RBFOX1: variants seen among roughly 807,000 people sequenced by gnomAD.
RBFOX1 encodes RNA binding protein fox-1 homolog 1.
Under a neutral mutation model 57.7 loss-of-function variants are expected in RBFOX1, and 8 were observed. The ratio of observed to expected loss-of-function variants is 0.14; its 90% CI spans 0.08 to 0.25. The LOEUF (loss-of-function observed/expected upper bound fraction) is 0.25. RBFOX1 is among the 10% of genes least tolerant of loss of function. The pLI is 1.00. For synonymous variants in RBFOX1, 326 were observed against 222.4 expected, an observed-to-expected ratio of 1.47 and a Z score of -4.15; for missense variants, 611 against 548.5, an observed-to-expected ratio of 1.11 and a Z score of -1.14.
intron 2 of RBFOX1, among the ~76,000 whole-genome samples, chr16:6,448,208 GGAATGGAGTGGCGT>G (rs1372430647): frequency 7.6e-6 from 1 of 132,310 alleles, no homozygotes; most frequent in African/African-American, 3.0e-5. Context: ...TGCCCAGGCT[GGAATGGAGTGGCGT>G]GATTTTGGCT....
intron 3 of RBFOX1, chr16:6,983,707 C>G (rs142647839): frequency 1.3e-5 from 2 of 152,480 alleles, no homozygotes; most frequent in African/African-American, 4.8e-5. Context: ...TGTTGCATCT[C>G]TAGGCTTGAA....
chr16:7,162,466 A>C (rs1255830037), intron 4 of RBFOX1, among the ~76,000 whole-genome samples: 4 of 151,690 alleles, frequency 2.6e-5, no homozygotes, highest in African/African-American at 4.8e-5. Context: ...GCAGTAACTC[A>C]CGCCTGTAAC....
At chr16:6,920,093 G>C (rs1008672067) in intron 3 of RBFOX1, among the ~76,000 whole-genome samples, 1 of 152,080 alleles carries the variant, frequency 6.6e-6, no homozygotes, top group African/African-American at 2.4e-5. Flanking sequence ...CTCCATCCAA[G>C]TTGCTGCATA....
At chr16:5,463,444 T>C in intron 1 of RBFOX1, among the ~76,000 whole-genome samples, 1 of 152,112 alleles carries the variant, frequency 6.6e-6, no homozygotes, top group South Asian at 2.1e-4. Flanking sequence ...AAAAATAAAA[T>C]GAAAATAATA....
intron 1 of RBFOX1, among the ~76,000 whole-genome samples, chr16:5,349,969 A>C (rs2065227290): frequency 6.6e-6 from 1 of 152,212 alleles, no homozygotes; most frequent in South Asian, 2.1e-4. Context: ...ATAATTACCC[A>C]GGCTAATTAA....
At chr16:5,806,150 G>T (rs1865818) in intron 3 of RBFOX1, among the ~76,000 whole-genome samples, 1 of 151,972 alleles carries the variant, frequency 6.6e-6, no homozygotes, top group Non-Finnish European at 1.5e-5. Context: ...CTACAATTCA[G>T]TTCTCTCATT....
At chr16:7,349,695 G>A (rs1356809570) in intron 4 of RBFOX1, among the ~76,000 whole-genome samples, 1 of 152,092 alleles carries the variant, frequency 6.6e-6, no homozygotes, top group East Asian at 1.9e-4. Flanking sequence ...TTCCATATGT[G>A]TTCACCGATT....
At chr16:6,769,872 G>A (rs1015363335) in intron 3 of RBFOX1, among the ~76,000 whole-genome samples, 1 of 152,184 alleles carries the variant, frequency 6.6e-6, no homozygotes, top group Non-Finnish European at 1.5e-5. Context: ...GATTTGTTTG[G>A]AGCGATTTGA....
chr16:5,835,232 C>T (rs1304443005), intron 3 of RBFOX1, among the ~76,000 whole-genome samples: 1 of 152,246 alleles, frequency 6.6e-6, no homozygotes, highest in East Asian at 1.9e-4. Flanking sequence ...GAGCACAGAG[C>T]AATGAGCACG....
At position 7,153,594 on chromosome 16, in the gene RBFOX1, C is replaced by T. The variant is rs144107259; in HGVS notation, c.27+101496C>T. Among the ~76,000 whole-genome samples the T allele has an allele frequency of 7.6e-3, 1,147 of 150,374 alleles. 7 individuals carry two copies. The highest frequency in any genetic ancestry group is 0.027 in the African/African-American group (1,087 of 40,810). On this transcript the variant is annotated intron_variant, in intron 4 of 15. Transcript: ENST00000550418. ...ACTGAAAAAACAAAAATTAGCCAGG[C>T]ATGGTGATGGTGGTGGGGGGAGGGG...
intron 2 of RBFOX1, among the ~76,000 whole-genome samples, chr16:6,651,184 G>A (rs2098591480): frequency 6.6e-6 from 1 of 152,118 alleles, no homozygotes; most frequent in Non-Finnish European, 1.5e-5. Context: ...TTGCAGGCGT[G>A]AGCCACCACA....
In RBFOX1 at chr16:5,418,452, C is replaced by T. The variant is rs529216350; in HGVS notation, c.220-48764C>T. ...AAGTGCAAATGTAATGACTGAATTACGCCAGGAAAGACCAAATTATTGGTT... is the reference window on the plus strand; with the variant it reads ...AAGTGCAAATGTAATGACTGAATTATGCCAGGAAAGACCAAATTATTGGTT... On this transcript the variant is annotated intron_variant, in intron 1 of 2. Transcript: ENST00000585867. Among the ~76,000 whole-genome samples the T allele has an allele frequency of 1.6e-4, 25 of 152,006 alleles. No homozygotes were observed. The South Asian group carries it at 1.9e-3, about 11-fold the overall frequency.
chr16:5,922,093 C>G (rs1031188059), intron 4 of RBFOX1, among the ~76,000 whole-genome samples: 2 of 152,044 alleles, frequency 1.3e-5, no homozygotes, highest in East Asian at 3.9e-4. Flanking sequence ...TCCAGGAGGT[C>G]GAGGCTGCAG....
chr16:6,920,915 C>G (rs1351165714), intron 3 of RBFOX1, among the ~76,000 whole-genome samples: 2 of 152,172 alleles, frequency 1.3e-5, no homozygotes, highest in African/African-American at 2.4e-5. Flanking sequence ...AGGACTTGGA[C>G]ATAGGTTTTT....
At position 6,491,233 on chromosome 16, in the gene RBFOX1, G is replaced by A. The variant is rs2095626286; in HGVS notation, c.-63-163370G>A. On this transcript the variant is annotated intron_variant, in intron 2 of 15. Coordinates refer to ENST00000550418, the MANE Select transcript of RBFOX1 (RefSeq NM_018723.4). ...GATATATAGTTAAACTATATATATA[G>A]TTTAATTGATGAAAGAAAGAATGGG... is the stretch of plus-strand genomic sequence containing the variant. 2.6e-5 allele frequency among the ~76,000 whole-genome samples: 4 copies of A among 150,994 alleles called. No individual in the cohort carries two copies. The South Asian group carries it at 8.4e-4, about 32-fold the overall frequency.
intron 1 of RBFOX1, among the ~76,000 whole-genome samples, chr16:5,258,819 G>C (rs1377709018): frequency 6.6e-6 from 1 of 152,122 alleles, no homozygotes; most frequent in Non-Finnish European, 1.5e-5. Flanking sequence ...GGGAGGCTGA[G>C]GCAGGAGAAT....
At chr16:6,157,554 A>G (rs369057294) in intron 1 of RBFOX1, among the ~76,000 whole-genome samples, 12 of 151,842 alleles carry the variant, frequency 7.9e-5, no homozygotes, top group African/African-American at 2.7e-4. Flanking sequence ...TTGTCTTCCT[A>G]TTTTTGGACT....
At chr16:6,875,228 TATTGTA>T (rs1286777105) in intron 3 of RBFOX1, among the ~76,000 whole-genome samples, 1 of 152,250 alleles carries the variant, frequency 6.6e-6, no homozygotes, top group Non-Finnish European at 1.5e-5. Flanking sequence ...ATATTATCAC[TATTGTA>T]ATTCAGGAAA....
chr16:7,460,389 A>ATATATATATATATATGTGTGTGTGTG, intron 4 of RBFOX1, among the ~76,000 whole-genome samples: 2 of 87,262 alleles, frequency 2.3e-5, no homozygotes, highest in African/African-American at 1.3e-4. Context: ...ATATATATAT[A>ATATATATATATATATGTGTGTGTGTG]TGTGTGTGTG....
Sources: allele counts gnomAD v4.1 joint callset (sites outside exome capture counted in the v4.1 genomes callset), GRCh38; gene constraint gnomAD v4.1.1; transcripts MANE v1.5; gene names NCBI Gene and HGNC (gene_info 2026-07-23, HGNC 2026-07-21).